ICE1: variants seen among roughly 807,000 people sequenced by gnomAD.
ICE1 encodes the protein interactor of little elongation complex ELL subunit 1, also known as little elongation complex subunit 1.
A neutral mutation model predicts 192.7 loss-of-function variants in ICE1; 64 were observed. That is an observed-to-expected ratio of 0.33 (90% CI 0.27 to 0.41). The LOEUF (loss-of-function observed/expected upper bound fraction) is 0.41, where lower values mean the gene tolerates loss of function less well. ICE1 is among the 10% of genes least tolerant of loss of function. The pLI is 1.00. For missense variants in ICE1, 2,708 were observed against 2,696.0 expected (o/e 1.00, Z -0.10); for synonymous variants, 1,010 against 984.5 (o/e 1.03, Z -0.49).
chr5:5,473,591 A>G lies in ICE1; in HGVS notation c.6256A>G (p.Lys2086Glu), dbSNP rs1561097073. 6.2e-7 allele frequency: 1 copy of G among 1,612,024 alleles called. No individual in the cohort carries two copies. The highest frequency in any genetic ancestry group is 8.5e-7 in the Non-Finnish European group (1 of 1,179,548). ...APVDVGFMVS[K>E]LLLTIQLCPK... is the part of the protein sequence containing the mutation. ...GGTAGATGTTGGCTTCATGGTTTCT[A>G]AGCTGCTTTTGACCATACAGTTATG... is the stretch of plus-strand genomic sequence containing the variant. Residue 2086 changes from lysine to glutamate, a missense_variant, in exon 16 of 19, where the codon AAG becomes GAG. Physicochemically the swap from Lys to Glu is moderately conservative, Grantham distance 56 (BLOSUM62 1). Around this residue, in one of 2 missense-constraint regions of ICE1, gnomAD observed 342 missense variants for 419.3 expected, o/e 0.82. Coordinates refer to ENST00000296564, the MANE Select transcript of ICE1 (RefSeq NM_015325.3).
intron 1 of ICE1, among the ~76,000 whole-genome samples, chr5:5,427,700 T>C (rs150625788): frequency 1.2e-3 from 176 of 152,326 alleles, no homozygotes; most frequent in African/African-American, 4.0e-3. Flanking sequence ...AATGGTTCTT[T>C]TACAAGGAAT....
intron 16 of ICE1, among the ~76,000 whole-genome samples, chr5:5,475,512 A>C (rs765130688): frequency 2.6e-5 from 4 of 152,238 alleles, no homozygotes; most frequent in Non-Finnish European, 4.4e-5. Flanking sequence ...TCTTTTATCC[A>C]TCTAAAGTGT....
At chr5:5,485,630 C>T (rs2111408130) in intron 17 of ICE1, among the ~76,000 whole-genome samples, 1 of 152,260 alleles carries the variant, frequency 6.6e-6, no homozygotes, top group Middle Eastern at 3.4e-3. Context: ...ACACTAAAAT[C>T]CATTGAGCTA....
rs769317741 is a variant in ICE1, at chr5:5,464,195, C to G, written c.4861C>G (p.Leu1621Val). ...STPTDCSPDT[L>V]SKIRQEVGPP... ...TCCTACAGATTGTTCTCCTGACACACTGAGTAAAATACGGCAAGAGGTGGG... is the reference window on the plus strand; with the variant it reads ...TCCTACAGATTGTTCTCCTGACACAGTGAGTAAAATACGGCAAGAGGTGGG... Residue 1621 changes from leucine (L) to valine (V), a missense_variant, in exon 13 of 19, where the codon CTG (leucine) becomes GTG (valine). This residue lies in a region of ICE1 where 2,366 missense variants were observed against 2,276.6 expected (regional missense o/e 1.04). Transcript: ENST00000296564. This position sits in a 1 kb window ranked among gnomAD's most constrained non-coding sequence, Gnocchi z 4.0. 2 of 1,613,722 alleles carry G rather than the reference C, an allele frequency of 1.2e-6. No homozygotes were observed. Among genetic ancestry groups the G allele is most frequent in the South Asian group, 1.1e-5 (1 of 91,068 alleles).
At chr5:5,486,575 T>G in intron 17 of ICE1, 146 bp from the exon 18 acceptor site, 1 of 579,994 alleles carries the variant, frequency 1.7e-6, no homozygotes. Context: ...AAGCAACACA[T>G]TGTATATCAT....
intron 1 of ICE1, among the ~76,000 whole-genome samples, chr5:5,433,792 C>T (rs1456865512): frequency 6.6e-6 from 1 of 151,988 alleles, no homozygotes; most frequent in Non-Finnish European, 1.5e-5. Flanking sequence ...AGATGGTGAC[C>T]CAACAATTCT....
intron 10 of ICE1, among the ~76,000 whole-genome samples, chr5:5,453,009 A>T (rs1279233342): frequency 6.6e-6 from 1 of 152,054 alleles, no homozygotes; most frequent in Admixed American, 6.6e-5. Flanking sequence ...TTATTTATTT[A>T]TTTTTTGGGT....
At chr5:5,485,058 G>T (rs540050554) in intron 17 of ICE1, among the ~76,000 whole-genome samples, 1 of 151,986 alleles carries the variant, frequency 6.6e-6, no homozygotes, top group Non-Finnish European at 1.5e-5. Context: ...ATGCCATCCT[G>T]CTTGCTTTAG....
intron 17 of ICE1, among the ~76,000 whole-genome samples, chr5:5,481,207 T>TA (rs1739494994): frequency 1.3e-5 from 2 of 152,222 alleles, no homozygotes; most frequent in Non-Finnish European, 2.9e-5. Context: ...TTTTAAGGTG[T>TA]AAATAAATAT....
At chr5:5,447,791 T>C in intron 9 of ICE1, 31 bp downstream of exon 9, 1 of 1,571,164 alleles carries the variant, frequency 6.4e-7, no homozygotes, top group Non-Finnish European at 8.7e-7. Context: ...TACATAAATT[T>C]ATTTTTGATA....
intron 1 of ICE1, among the ~76,000 whole-genome samples, chr5:5,432,704 G>T (rs1251723686): frequency 6.6e-6 from 1 of 152,040 alleles, no homozygotes; most frequent in Non-Finnish European, 1.5e-5. Flanking sequence ...TTTAATTTTA[G>T]TTATTCTAGA....
At chr5:5,473,992 C>T (rs561312271) in intron 16 of ICE1, among the ~76,000 whole-genome samples, 3 of 152,128 alleles carry the variant, frequency 2.0e-5, no homozygotes, top group East Asian at 1.9e-4. Flanking sequence ...GGGCAGATCA[C>T]GAGGTCAGGA....
chr5:5,435,448 A>G (rs1737840892), intron 1 of ICE1, among the ~76,000 whole-genome samples: 1 of 152,174 alleles, frequency 6.6e-6, no homozygotes, highest in Non-Finnish European at 1.5e-5. Flanking sequence ...ACTTGGTGTA[A>G]TTATTACTTG....
intron 7 of ICE1, among the ~76,000 whole-genome samples, chr5:5,444,686 G>A (rs528016036): frequency 1.3e-5 from 2 of 152,242 alleles, no homozygotes; most frequent in African/African-American, 2.4e-5. Context: ...GGTGGAAAGG[G>A]TGGCTACTTT....
rs1158254104 is a variant in ICE1, at chr5:5,460,498, T to G, written c.1164T>G (p.Ser388=). ...SDNDSVQLRN[S]AECVSEDDTT... ...ATGACTCAGTCCAGCTTAGAAATTC[T>G]GCTGAGTGTGTTTCAGAAGATGATA... is the stretch of plus-strand genomic sequence containing the variant. Residue 388 remains serine (S), a synonymous_variant, in exon 13 of 19, where the codon TCT becomes TCG. Coordinates refer to ENST00000296564, the MANE Select transcript of ICE1 (RefSeq NM_015325.3). The G allele has an allele frequency of 1.9e-6, 3 of 1,612,010 alleles. No individual in the cohort carries two copies. The South Asian group carries it at 3.3e-5, about 18-fold the overall frequency.
chr5:5,488,307 C>T (rs1448779229), intron 18 of ICE1, among the ~76,000 whole-genome samples: 1 of 152,150 alleles, frequency 6.6e-6, no homozygotes, highest in East Asian at 1.9e-4. Flanking sequence ...ATTTGAAATG[C>T]TTGGGACCAG....
rs926325625 is a variant in ICE1, at chr5:5,438,355, A to G, written c.178+1241A>G. Among the ~76,000 whole-genome samples the G allele has an allele frequency of 7.2e-5, 11 of 152,242 alleles. 1 individual carries two copies. The highest frequency in any genetic ancestry group is 3.3e-4 in the Admixed American group (5 of 15,284). ...TTTTGGGTGGGGACACAGCCAGACC[A>G]TATCATCATTTCTAATTTCTGTGAA... On this transcript the variant is annotated intron_variant, in intron 3 of 18. Coordinates refer to ENST00000296564, the MANE Select transcript of ICE1 (RefSeq NM_015325.3).
chr5:5,432,362 G>A (rs1463228843), intron 1 of ICE1, among the ~76,000 whole-genome samples: 11 of 152,142 alleles, frequency 7.2e-5, no homozygotes, highest in Admixed American at 7.2e-4. Context: ...TGTATCATTC[G>A]TTCATTTTCA....
At chr5:5,441,293 G>A in intron 5 of ICE1, 70 bp downstream of exon 5, 1 of 960,882 alleles carries the variant, frequency 1.0e-6, no homozygotes, top group South Asian at 1.5e-5. Flanking sequence ...GTATAATTGG[G>A]ACGAGGGGGC....
Sources: gnomAD v4.1 joint callset for allele counts (sites outside exome capture counted in the v4.1 genomes callset) on GRCh38, gnomAD v4.1.1 for gene constraint, gnomAD v4.1.1 regional missense constraint, Gnocchi (gnomAD v3.1) non-coding constraint, MANE v1.5 for transcripts, NCBI Gene and HGNC (gene_info 2026-07-23, HGNC 2026-07-21) for gene names.